The following CTNNA2 variants were observed in gnomAD, a reference collection of about 807,000 sequenced individuals.
The protein encoded by CTNNA2 is catenin alpha 2, also known as catenin alpha-2.
Under a neutral mutation model 101.0 loss-of-function variants are expected in CTNNA2, and 42 were observed. The ratio of observed to expected loss-of-function variants is 0.42; its 90% CI spans 0.32 to 0.54. The LOEUF is 0.54. Ranked by LOEUF, CTNNA2 falls within the 20% of genes least tolerant of loss-of-function variation. The probability of loss-of-function intolerance (pLI) is 0.14; values close to 1 mark genes in which losing one functional copy is unlikely to be tolerated. For synonymous variants in CTNNA2, 450 were observed against 456.4 expected (o/e 0.99, Z 0.18); for missense variants, 871 against 1,223.1 (o/e 0.71, Z 4.29).
At chr2:80,504,994 C>G (rs76236479) in intron 9 of CTNNA2, among the ~76,000 whole-genome samples, 1 of 152,186 alleles carries the variant, frequency 6.6e-6, no homozygotes, top group African/African-American at 2.4e-5. Flanking sequence ...CCCACACATA[C>G]ACCCAGCAGA....
intron 3 of CTNNA2, chr2:79,373,815 A>C (rs1040696034): frequency 2.0e-5 from 3 of 152,138 alleles, no homozygotes; most frequent in Non-Finnish European, 4.4e-5. Context: ...ATGAGTGTTA[A>C]ATCTCCATCT....
intron 7 of CTNNA2, among the ~76,000 whole-genome samples, chr2:80,326,221 A>T (rs933279430): frequency 6.6e-6 from 1 of 152,162 alleles, no homozygotes; most frequent in Non-Finnish European, 1.5e-5. Flanking sequence ...CTATTGTTTT[A>T]CTACCTCTAT....
chr2:79,676,896 A>C (rs1683223069), intron 2 of CTNNA2, among the ~76,000 whole-genome samples: 1 of 152,130 alleles, frequency 6.6e-6, no homozygotes, highest in Non-Finnish European at 1.5e-5. Flanking sequence ...TAGAAAAGAG[A>C]TACAGGTTCC....
chr2:79,946,143 C>A (rs1351605529), intron 7 of CTNNA2, among the ~76,000 whole-genome samples: 3 of 151,886 alleles, frequency 2.0e-5, no homozygotes, highest in Non-Finnish European at 2.9e-5. Context: ...CTAATGCTCT[C>A]CCCTCCCAGG....
chr2:80,053,520 A>G (rs1169870474), intron 7 of CTNNA2, among the ~76,000 whole-genome samples: 2 of 152,224 alleles, frequency 1.3e-5, no homozygotes, highest in African/African-American at 4.8e-5. Flanking sequence ...TCTCCAGACT[A>G]AGTGACATGG....
chr2:79,257,915 C>T (rs1674869776), intron 2 of CTNNA2, among the ~76,000 whole-genome samples: 1 of 152,144 alleles, frequency 6.6e-6, no homozygotes, highest in South Asian at 2.1e-4. Context: ...GGCAAATCCC[C>T]CTTGCCCCCT....
intron 1 of CTNNA2, among the ~76,000 whole-genome samples, chr2:79,605,265 T>C (rs1456989826): frequency 6.6e-6 from 1 of 152,010 alleles, no homozygotes; most frequent in African/African-American, 2.4e-5. Flanking sequence ...AGTAGATTAG[T>C]GAACTTCAAG....
intron 7 of CTNNA2, among the ~76,000 whole-genome samples, chr2:80,178,602 G>T (rs764170457): frequency 5.3e-5 from 8 of 152,178 alleles, no homozygotes; most frequent in Admixed American, 1.3e-4. Context: ...TGGACCTGTT[G>T]CAGAGCCTTC....
chr2:80,390,000 A>T (rs1436348195), intron 7 of CTNNA2, among the ~76,000 whole-genome samples: 1 of 152,218 alleles, frequency 6.6e-6, no homozygotes, highest in Non-Finnish European at 1.5e-5. Flanking sequence ...TAATCACACT[A>T]TAAAGAAGCT....
chr2:79,242,901 A>C (rs935013946), intron 2 of CTNNA2, among the ~76,000 whole-genome samples: 1 of 150,884 alleles, frequency 6.6e-6, no homozygotes. Flanking sequence ...GGGGAGTATG[A>C]GGCTGCAATG....
chr2:79,544,849 T>A (rs1322066631), intron 1 of CTNNA2, among the ~76,000 whole-genome samples: 2 of 151,986 alleles, frequency 1.3e-5, no homozygotes, highest in Admixed American at 6.6e-5. Flanking sequence ...TAGACTGACT[T>A]TGGAAGAGGA....
intron 3 of CTNNA2, among the ~76,000 whole-genome samples, chr2:79,824,586 C>A (rs1326994702): frequency 3.9e-5 from 6 of 152,250 alleles, no homozygotes; most frequent in Admixed American, 1.3e-4. Flanking sequence ...TTTGGTCAAA[C>A]AGCTGACATT....
chr2:80,105,212 TAG>T (rs959749501), intron 7 of CTNNA2, among the ~76,000 whole-genome samples: 9 of 152,182 alleles, frequency 5.9e-5, no homozygotes, highest in African/African-American at 2.2e-4. Context: ...AACACATGTG[TAG>T]AGAGTGAGTC....
At chr2:80,225,333 G>A (rs1003801028) in intron 7 of CTNNA2, among the ~76,000 whole-genome samples, 5 of 152,196 alleles carry the variant, frequency 3.3e-5, no homozygotes, top group Non-Finnish European at 7.3e-5. Context: ...CACACTTTGT[G>A]AAGAGAAATC....
intron 9 of CTNNA2, among the ~76,000 whole-genome samples, chr2:80,538,302 G>A (rs183133732): frequency 7.9e-5 from 12 of 152,276 alleles, no homozygotes; most frequent in Middle Eastern, 3.4e-3. Flanking sequence ...CTTTGCCCAT[G>A]CCTATGTCCT....
At chr2:79,766,905 G>A (rs775872796) in intron 3 of CTNNA2, among the ~76,000 whole-genome samples, 54 of 151,876 alleles carry the variant, frequency 3.6e-4, no homozygotes, top group Admixed American at 7.2e-4. Context: ...ATAGACACGC[G>A]CCACCATGCC....
intron 1 of CTNNA2, among the ~76,000 whole-genome samples, chr2:79,570,502 A>G (rs1445146572): frequency 6.6e-6 from 1 of 152,172 alleles, no homozygotes; most frequent in African/African-American, 2.4e-5. Flanking sequence ...GAATCTGTAC[A>G]TGAAATTTGC....
chr2:80,321,928 T>TTTTATTTATTTATTTA (rs145750433), intron 7 of CTNNA2, among the ~76,000 whole-genome samples: 2 of 151,494 alleles, frequency 1.3e-5, no homozygotes, highest in African/African-American at 4.8e-5. Context: ...ATTCTCTGTA[T>TTTTATTTATTTATTTA]TTTATTTATT....
intron 9 of CTNNA2, among the ~76,000 whole-genome samples, chr2:80,437,429 GA>G (rs1682141353): frequency 6.6e-6 from 1 of 152,108 alleles, no homozygotes; most frequent in Non-Finnish European, 1.5e-5. Context: ...GATTACTTTG[GA>G]TCAACTTTAT....
Sources: allele counts gnomAD v4.1 joint callset (sites outside exome capture counted in the v4.1 genomes callset), GRCh38; gene constraint gnomAD v4.1.1; transcripts MANE v1.5; gene names NCBI Gene and HGNC (gene_info 2026-07-23, HGNC 2026-07-21).